PDZD2: variants seen among roughly 807,000 people sequenced by gnomAD.
The protein encoded by PDZD2 is PDZ domain containing 2.
PDZD2 carries 90 observed loss-of-function variants against 220.7 expected under a neutral mutation model. That is an observed-to-expected ratio of 0.41 (90% CI 0.34 to 0.49). PDZD2 has a LOEUF of 0.49. PDZD2 is among the 20% of genes least tolerant of loss of function. PDZD2 has a pLI of 0.28. For missense variants in PDZD2, 3,174 were observed against 3,608.5 expected (o/e 0.88, Z 3.08); for synonymous variants, 1,375 against 1,450.5 (o/e 0.95, Z 1.18).
intron 2 of PDZD2, among the ~76,000 whole-genome samples, chr5:31,855,737 G>A (rs1159826620): frequency 6.6e-6 from 1 of 152,238 alleles, no homozygotes; most frequent in Non-Finnish European, 1.5e-5. Flanking sequence ...TAAACAGCCT[G>A]CTTGGACAAC....
intron 2 of PDZD2, among the ~76,000 whole-genome samples, chr5:31,939,610 C>CT (rs1483660176): frequency 6.6e-6 from 1 of 152,148 alleles, no homozygotes; most frequent in Non-Finnish European, 1.5e-5. Context: ...CACGTGGGAC[C>CT]TTTTTGCTTC....
chr5:31,724,596 C>G (rs1413594281), intron 1 of PDZD2, among the ~76,000 whole-genome samples: 1 of 110,550 alleles, frequency 9.0e-6, no homozygotes, highest in East Asian at 3.0e-4. Flanking sequence ...GAGTGAAATT[C>G]CGTCTCAAAA....
intron 5 of PDZD2, among the ~76,000 whole-genome samples, chr5:32,007,841 T>A (rs1168713973): frequency 1.3e-5 from 2 of 152,232 alleles, no homozygotes; most frequent in African/African-American, 4.8e-5. Flanking sequence ...CCTCATGTGC[T>A]GCGGCATTTC....
chr5:31,936,465 A>G (rs1288766944), intron 2 of PDZD2: 1 of 431,560 alleles, frequency 2.3e-6, no homozygotes. Flanking sequence ...TAATAATAAC[A>G]TAAAAGACTC....
At chr5:31,979,735 C>A (rs1750128518) in intron 2 of PDZD2, among the ~76,000 whole-genome samples, 1 of 152,244 alleles carries the variant, frequency 6.6e-6, no homozygotes, top group East Asian at 1.9e-4. Flanking sequence ...TGAGATGATC[C>A]ATTTTAACAC....
At chr5:32,050,026 C>T (rs890369818) in intron 8 of PDZD2, among the ~76,000 whole-genome samples, 10 of 152,286 alleles carry the variant, frequency 6.6e-5, no homozygotes, top group Middle Eastern at 3.4e-3. Context: ...CTCCACTTCC[C>T]GGGATCAAGC....
intron 1 of PDZD2, among the ~76,000 whole-genome samples, chr5:31,727,087 C>T (rs908466358): frequency 7.2e-5 from 11 of 152,140 alleles, no homozygotes; most frequent in Non-Finnish European, 1.0e-4. Flanking sequence ...CTCACTATCA[C>T]GAAGACAGCA....
At position 31,839,127 on chromosome 5, in the gene PDZD2, C is replaced by T. The variant is rs909532737; in HGVS notation, c.476+39403C>T. On this transcript the variant is annotated intron_variant, in intron 2 of 24. Transcript: ENST00000438447. ...CTGCAGAAAGACAGGAAAAGGTCAT[C>T]GCTTTTGAGTTCCTTCAGTTTGCTT... is the stretch of plus-strand genomic sequence containing the variant. Among the ~76,000 whole-genome samples, 10 of 152,200 alleles carry T rather than the reference C, an allele frequency of 6.6e-5. 1 individual carries two copies. The highest frequency in any genetic ancestry group is 2.6e-4 in the Admixed American group (4 of 15,276).
At chr5:31,780,858 C>T (rs986392956) in intron 1 of PDZD2, among the ~76,000 whole-genome samples, 3 of 152,142 alleles carry the variant, frequency 2.0e-5, no homozygotes, top group South Asian at 4.1e-4. Flanking sequence ...CAGTTCCAGG[C>T]GTGTCACTGA....
intron 5 of PDZD2, among the ~76,000 whole-genome samples, chr5:32,003,491 A>G: frequency 8.5e-6 from 1 of 118,308 alleles, no homozygotes; most frequent in East Asian, 3.0e-4. Flanking sequence ...CTACACACAC[A>G]CCACATCATA....
At position 31,769,128 on chromosome 5, in the gene PDZD2, G is replaced by A. The variant is rs79854757; in HGVS notation, c.-360-29761G>A. 3.4e-3 allele frequency among the ~76,000 whole-genome samples: 515 copies of A among 152,336 alleles called. 18 individuals are homozygous for A. The East Asian group carries it at 0.091, about 27-fold the overall frequency. ...TGCATTGCCGAGGGCAGATGCAGCC[G>A]GAGAGCCCCACTGGGACACAGTGAT... On this transcript the variant is annotated intron_variant, in intron 1 of 24. Transcript: ENST00000438447.
At chr5:32,035,590 C>A (rs1755474072) in intron 6 of PDZD2, among the ~76,000 whole-genome samples, 1 of 152,008 alleles carries the variant, frequency 6.6e-6, no homozygotes, top group Non-Finnish European at 1.5e-5. Context: ...CCTGTCTCAC[C>A]CTCCTGAATA....
At position 32,050,663 on chromosome 5, in the gene PDZD2, AT is replaced by A. The variant is rs1738452717; in HGVS notation, c.1666-1942del. ...CAAGACCTTATCTTTACGAAAACAA[AT>A]TTTTTAATTAGCTGGGTATGGTCGT... On this transcript the variant is annotated intron_variant, in intron 8 of 24. Transcript: ENST00000438447. 3.9e-5 allele frequency among the ~76,000 whole-genome samples: 6 copies of A among 151,974 alleles called. 1 individual carries two copies. The highest frequency in any genetic ancestry group is 2.0e-4 in the Admixed American group (3 of 15,248).
chr5:31,655,439 G>A (rs950067554), intron 1 of PDZD2, among the ~76,000 whole-genome samples: 34 of 152,134 alleles, frequency 2.2e-4, no homozygotes, highest in Admixed American at 1.6e-3. Context: ...CCAAAGCGCG[G>A]GGATTACAGG....
At chr5:31,973,084 T>G (rs980368720) in intron 2 of PDZD2, among the ~76,000 whole-genome samples, 9 of 152,238 alleles carry the variant, frequency 5.9e-5, no homozygotes, top group African/African-American at 2.2e-4. Context: ...AGCTTCTGAG[T>G]TCCTATTTCC....
Position 31,648,204 on chromosome 5 carries a change from C to G in PDZD2, c.-361+8767C>G, listed in dbSNP as rs992982007. On this transcript the variant is annotated intron_variant, in intron 1 of 24. Transcript: ENST00000438447. ...CGAGGCATTGCCTACCATTTATGCACTTCTGCCTTCCAAATTTATGTCCAT... is the reference window on the plus strand; with the variant it reads ...CGAGGCATTGCCTACCATTTATGCAGTTCTGCCTTCCAAATTTATGTCCAT... 3.3e-5 allele frequency among the ~76,000 whole-genome samples: 5 copies of G among 152,132 alleles called. 1 individual carries two copies. The highest frequency in any genetic ancestry group is 2.6e-4 in the Admixed American group (4 of 15,272).
At chr5:31,729,813 G>GTTGTT (rs370346356) in intron 1 of PDZD2, among the ~76,000 whole-genome samples, 5,886 of 151,770 alleles carry the variant, frequency 0.039, 264 homozygotes, top group African/African-American at 0.11. Flanking sequence ...AGTTACTTCT[G>GTTGTT]TTGTTTTGTT....
intron 2 of PDZD2, among the ~76,000 whole-genome samples, chr5:31,866,376 C>T (rs1343117062): frequency 6.6e-6 from 1 of 152,108 alleles, no homozygotes; most frequent in Non-Finnish European, 1.5e-5. Context: ...GTGCTGTTGG[C>T]AGTGCCTTCT....
chr5:31,788,004 A>C (rs16901565), intron 1 of PDZD2, among the ~76,000 whole-genome samples: 13,494 of 152,196 alleles, frequency 0.089, 1,974 homozygotes, highest in African/African-American at 0.31. Flanking sequence ...GCATAAAAGG[A>C]TAGATCAAAT....
Sources: gnomAD v4.1 joint callset for allele counts (sites outside exome capture counted in the v4.1 genomes callset) on GRCh38, gnomAD v4.1.1 for gene constraint, MANE v1.5 for transcripts, NCBI Gene and HGNC (gene_info 2026-07-23, HGNC 2026-07-21) for gene names.